RASGRP3: variants seen among roughly 807,000 people sequenced by gnomAD.
The protein encoded by RASGRP3 is ras guanyl-releasing protein 3.
A neutral mutation model predicts 82.7 loss-of-function variants in RASGRP3; 54 were observed. The ratio of observed to expected loss-of-function variants is 0.65; its 90% CI spans 0.52 to 0.82. RASGRP3 has a LOEUF of 0.82. RASGRP3 is among the 40% of genes least tolerant of loss of function. The probability of loss-of-function intolerance (pLI) is 0.00; values close to 1 mark genes in which losing one functional copy is unlikely to be tolerated. For synonymous variants in RASGRP3, 309 were observed against 300.5 expected, an observed-to-expected ratio of 1.03 and a Z score of -0.29; for missense variants, 861 against 828.9, an observed-to-expected ratio of 1.04 and a Z score of -0.48.
At chr2:33,544,458 T>A (rs1050812866) in intron 13 of RASGRP3, among the ~76,000 whole-genome samples, 11 of 152,142 alleles carry the variant, frequency 7.2e-5, no homozygotes, top group African/African-American at 2.7e-4. Flanking sequence ...CGTCAAATGA[T>A]TCCTAAAAAT....
Position 33,548,381 on chromosome 2 carries a change from A to AAAAAAAAAG in RASGRP3, c.1395-1221_1395-1220insAAAAAAGAA, listed in dbSNP as rs764069871. On this transcript the variant is annotated intron_variant, in intron 13 of 17. Transcript: ENST00000403687. ...GTCTCAAAAAAAAAAAAAAAAAAAA[A>AAAAAAAAAG]AAGAAGGTAGAAAGAAAAGACATCT... Among the ~76,000 whole-genome samples, 70 of 128,002 alleles carry AAAAAAAAAG rather than the reference A, an allele frequency of 5.5e-4. 2 individuals are homozygous for AAAAAAAAAG. The highest frequency in any genetic ancestry group is 9.3e-4 in the African/African-American group (30 of 32,230). 84.0% of individuals were successfully genotyped at this position (128,002 alleles called of 152,430 possible).
At chr2:33,506,570 C>G (rs1670398203) in intron 1 of RASGRP3, among the ~76,000 whole-genome samples, 1 of 152,134 alleles carries the variant, frequency 6.6e-6, no homozygotes, top group Non-Finnish European at 1.5e-5. Context: ...TTTCTAAAAT[C>G]CAGGACAATG....
chr2:33,532,778 T>A (rs1673228854), intron 10 of RASGRP3: 1 of 152,226 alleles, frequency 6.6e-6, no homozygotes, highest in Non-Finnish European at 1.5e-5. Context: ...AAACGTGACC[T>A]GATTATGAAG....
chr2:33,541,503 C>T (rs1044146889), intron 12 of RASGRP3, among the ~76,000 whole-genome samples: 1 of 146,894 alleles, frequency 6.8e-6, no homozygotes, highest in South Asian at 2.2e-4. Flanking sequence ...TGGCTATTTA[C>T]GTCACTAACT....
At chr2:33,507,876 T>A (rs145688738) in intron 1 of RASGRP3, among the ~76,000 whole-genome samples, 1 of 152,208 alleles carries the variant, frequency 6.6e-6, no homozygotes, top group Non-Finnish European at 1.5e-5. Flanking sequence ...GAGAATAGAT[T>A]GTAGTAAAGA....
At chr2:33,495,300 T>C (rs774061263) in intron 1 of RASGRP3, among the ~76,000 whole-genome samples, 2 of 152,216 alleles carry the variant, frequency 1.3e-5, no homozygotes, top group Non-Finnish European at 2.9e-5. Context: ...GGGATGAAAC[T>C]GTTCCACCTC....
At chr2:33,503,503 G>C (rs1271188102) in intron 1 of RASGRP3, among the ~76,000 whole-genome samples, 1 of 152,120 alleles carries the variant, frequency 6.6e-6, no homozygotes, top group African/African-American at 2.4e-5. Context: ...AAACAAAAGG[G>C]AATGACAAAG....
At chr2:33,480,234 G>C (rs191727554) in intron 1 of RASGRP3, among the ~76,000 whole-genome samples, 4 of 151,932 alleles carry the variant, frequency 2.6e-5, no homozygotes, top group Non-Finnish European at 4.4e-5. Flanking sequence ...TAGTAGAGAC[G>C]GGGTTTCACT....
chr2:33,514,529 C>T (rs1002978063), intron 2 of RASGRP3, among the ~76,000 whole-genome samples: 6 of 111,074 alleles, frequency 5.4e-5, no homozygotes, highest in African/African-American at 2.0e-4. Flanking sequence ...AAAAAAAAAC[C>T]CAAAAAATAG....
chr2:33,444,453 C>G (rs1665397753), intron 1 of RASGRP3, among the ~76,000 whole-genome samples: 1 of 152,150 alleles, frequency 6.6e-6, no homozygotes, highest in Admixed American at 6.5e-5. Context: ...TTTATCCTTA[C>G]TGCATGTCTC....
At chr2:33,487,208 T>G (rs777851358) in intron 1 of RASGRP3, among the ~76,000 whole-genome samples, 4 of 152,176 alleles carry the variant, frequency 2.6e-5, no homozygotes, top group Non-Finnish European at 5.9e-5. Context: ...GCAAAATAAT[T>G]AATAATAATT....
chr2:33,437,804 T>C (rs924803014), intron 1 of RASGRP3, among the ~76,000 whole-genome samples: 3 of 152,062 alleles, frequency 2.0e-5, no homozygotes, highest in African/African-American at 7.3e-5. Flanking sequence ...AAGATCATGA[T>C]TTCTTAGCTG....
At chr2:33,534,461 A>G in intron 11 of RASGRP3, 61 bp downstream of exon 11, 2 of 1,092,732 alleles carry the variant, frequency 1.8e-6, no homozygotes, top group Non-Finnish European at 2.7e-6. Flanking sequence ...ATGTACAGTA[A>G]TTGGCTATTA....
intron 7 of RASGRP3, among the ~76,000 whole-genome samples, chr2:33,523,514 A>G (rs1333690168): frequency 6.6e-6 from 1 of 151,732 alleles, no homozygotes; most frequent in Admixed American, 6.6e-5. Context: ...GATAGTGATC[A>G]TTTACACCTA....
intron 5 of RASGRP3, among the ~76,000 whole-genome samples, 193 bp from the exon 6 acceptor site, chr2:33,520,360 T>G (rs980510028): frequency 6.6e-6 from 1 of 152,114 alleles, no homozygotes; most frequent in Non-Finnish European, 1.5e-5. Flanking sequence ...GGGAGCGGTT[T>G]TAGATTGAAG....
intron 10 of RASGRP3, 110 bp from the exon 11 acceptor site, chr2:33,534,213 C>G: frequency 1.4e-6 from 1 of 719,482 alleles, no homozygotes; most frequent in Non-Finnish European, 2.4e-6. Context: ...TGCATTTACT[C>G]AAATTATTAG....
chr2:33,510,835 G>A (rs1670862336), intron 1 of RASGRP3, among the ~76,000 whole-genome samples: 1 of 152,082 alleles, frequency 6.6e-6, no homozygotes, highest in African/African-American at 2.4e-5. Flanking sequence ...TTTTTTTAAT[G>A]GAGAGGTTCT....
intron 17 of RASGRP3, among the ~76,000 whole-genome samples, chr2:33,561,496 T>C (rs1676651814): frequency 6.6e-6 from 1 of 152,176 alleles, no homozygotes; most frequent in African/African-American, 2.4e-5. Flanking sequence ...CCAGTACCAT[T>C]CAAATCAGTA....
intron 9 of RASGRP3, among the ~76,000 whole-genome samples, chr2:33,525,158 C>T (rs962330934): frequency 6.6e-6 from 1 of 150,848 alleles, no homozygotes; most frequent in East Asian, 1.9e-4. Flanking sequence ...TCTATTTGGT[C>T]CTACTATGTG....
Sources: gnomAD v4.1 joint callset for allele counts (sites outside exome capture counted in the v4.1 genomes callset) on GRCh38, gnomAD v4.1.1 for gene constraint, MANE v1.5 for transcripts, NCBI Gene and HGNC (gene_info 2026-07-23, HGNC 2026-07-21) for gene names.